The following CARS2 variants were observed in gnomAD, a reference collection of about 807,000 sequenced individuals.
CARS2 encodes cysteinyl-tRNA synthetase 2, mitochondrial.
A neutral mutation model predicts 68.8 loss-of-function variants in CARS2; 52 were observed. The ratio of observed to expected loss-of-function variants is 0.76; its 90% CI spans 0.61 to 0.95. The LOEUF (loss-of-function observed/expected upper bound fraction) is 0.95, where lower values mean the gene tolerates loss of function less well. Ranked by LOEUF, CARS2 falls within the 40% of genes least tolerant of loss-of-function variation. CARS2 has a pLI of 0.00. For missense variants in CARS2, 780 were observed against 754.2 expected, an observed-to-expected ratio of 1.03 and a Z score of -0.40; for synonymous variants, 314 against 303.6, an observed-to-expected ratio of 1.03 and a Z score of -0.36.
rs568213279 is a variant in CARS2 at position 110,668,662 on chromosome 13, G to C, written c.786-1189C>G. 3.4e-4 allele frequency among the ~76,000 whole-genome samples: 52 copies of C among 152,260 alleles called. No homozygotes were observed. Among genetic ancestry groups the C allele is most frequent in the African/African-American group, 1.2e-3 (51 of 41,550 alleles). Reference sequence around the variant, plus strand: ...ACCAGGAGTGGGGAGGGGATGGGAGGGGCCTCATTTGTATTTGGATGGGCA... The same window carrying C: ...ACCAGGAGTGGGGAGGGGATGGGAGCGGCCTCATTTGTATTTGGATGGGCA... On this transcript the variant is annotated intron_variant, in intron 7 of 14. Transcript: ENST00000257347. This position sits in a 1 kb window ranked among gnomAD's most constrained non-coding sequence, Gnocchi z 4.1.
chr13:110,654,921 C>CAA (rs34662096), intron 9 of CARS2, among the ~76,000 whole-genome samples: 7,756 of 83,494 alleles, frequency 0.093, 416 homozygotes, highest in African/African-American at 0.15. Flanking sequence ...AACCCTCTCT[C>CAA]AAAAAAAAAA....
intron 6 of CARS2, among the ~76,000 whole-genome samples, chr13:110,681,320 T>A (rs1235064216): frequency 6.6e-6 from 1 of 152,146 alleles, no homozygotes; most frequent in Non-Finnish European, 1.5e-5. Context: ...GGCATTAAAA[T>A]TTTTTTTCAC....
upstream of CARS2, among the ~76,000 whole-genome samples, chr13:110,710,471 G>GA (rs35468987): frequency 0.6 from 91,140 of 152,096 alleles, 30,208 homozygotes; most frequent in Non-Finnish European, 0.74. Flanking sequence ...TATAATTTTA[G>GA]AAAAAAGTTT....
At chr13:110,688,159 A>C in intron 3 of CARS2, 141 bp from the exon 4 acceptor site, 1 of 534,754 alleles carries the variant, frequency 1.9e-6, no homozygotes, top group Non-Finnish European at 3.4e-6. Flanking sequence ...GTTTGCCCCC[A>C]CCCACTCACC....
chr13:110,673,464 CAT>C (rs1295510599), intron 7 of CARS2, among the ~76,000 whole-genome samples: 6 of 152,216 alleles, frequency 3.9e-5, no homozygotes, highest in East Asian at 1.9e-4. Context: ...ACAAAAACCA[CAT>C]GATTATCTCA....
At chr13:110,707,181 G>A (rs2063980335), upstream of CARS2, among the ~76,000 whole-genome samples, 1 of 145,310 alleles carries the variant, frequency 6.9e-6, no homozygotes, top group African/African-American at 2.6e-5. Context: ...CACCTCAATA[G>A]AGTGTGCGCC....
At chr13:110,644,279 C>T (rs1887794373) in intron 13 of CARS2, 106 bp downstream of exon 13, 4 of 1,342,678 alleles carry the variant, frequency 3.0e-6, no homozygotes, top group Non-Finnish European at 4.2e-6. Context: ...CAGGTAAATA[C>T]ATTAGTGTGG....
chr13:110,642,376 G>GGCTGCCTTTCTAGGAGCT lies in CARS2; in HGVS notation c.1544_1561dup (p.Gln515_Gln520dup), dbSNP rs1887469190. The GGCTGCCTTTCTAGGAGCT allele has an allele frequency of 6.4e-7, 1 of 1,561,170 alleles. No individual in the cohort carries two copies. The highest frequency in any genetic ancestry group is 1.2e-5 in the South Asian group (1 of 85,116). Reference sequence around the variant, plus strand: ...CAGGGTGTCGCATGCTTCCAGCAGGGGCTGCCTTTCTAGGAGCTGCTGCCG... The same window carrying GGCTGCCTTTCTAGGAGCT: ...CAGGGTGTCGCATGCTTCCAGCAGGGGCTGCCTTTCTAGGAGCTGCTGCCTTTCTAGGAGCTGCTGCCG... On this transcript the variant is annotated inframe_insertion, in exon 14 of 15. Transcript: ENST00000257347.
chr13:110,679,082 G>C (rs1304661099), intron 6 of CARS2, among the ~76,000 whole-genome samples: 2 of 59,646 alleles, frequency 3.4e-5, no homozygotes, highest in African/African-American at 1.3e-4. Flanking sequence ...CCGTGGCCCT[G>C]AATTTGAGTA....
At chr13:110,704,354 A>G (rs1252158310) in intron 2 of CARS2, among the ~76,000 whole-genome samples, 2 of 152,228 alleles carry the variant, frequency 1.3e-5, no homozygotes, top group African/African-American at 4.8e-5. Context: ...TTATAATTCA[A>G]GAAAGATGTC....
intron 7 of CARS2, among the ~76,000 whole-genome samples, chr13:110,672,148 C>T (rs964521967): frequency 6.6e-6 from 1 of 152,174 alleles, no homozygotes; most frequent in Non-Finnish European, 1.5e-5. Context: ...CAACATTAGA[C>T]AGATCAATGA....
chr13:110,657,266 C>T (rs2139725332), intron 9 of CARS2, among the ~76,000 whole-genome samples: 1 of 152,348 alleles, frequency 6.6e-6, no homozygotes, highest in East Asian at 1.9e-4. Context: ...AGGTTTATCT[C>T]CCTCTCCCCT....
Position 110,666,681 on chromosome 13 carries a change from T to C in CARS2, c.919+659A>G, listed in dbSNP as rs79266307. On this transcript the variant is annotated intron_variant, in intron 8 of 14. Transcript: ENST00000257347. ...ATTCAAGGACTTCAAAAGATAGTAT[T>C]TGTTAATTTTCTGTATTTTAGATGT... 6.9e-4 allele frequency: 676 copies of C among 985,450 alleles called. 2 individuals carry two copies. The African/African-American group carries it at 0.01, about 15-fold the overall frequency. The allele number at this position is 985,450 out of a possible 1,614,324, so 61.0% of individuals were successfully genotyped here.
rs1020669863 is a variant in CARS2, at chr13:110,645,891, A to G, written c.1317+76T>C. On this transcript the variant is annotated intron_variant, in intron 12 of 14. Transcript: ENST00000257347. ...TCAGCAGAGATGCCACCCAGCCGAC[A>G]TGAGAAAAACCCACCAGAGGACCCG... The G allele has an allele frequency of 6.5e-6, 10 of 1,540,828 alleles. No individual in the cohort carries two copies. In the African/African-American group the frequency reaches 7.0e-5, roughly 11 times the overall value.
rs956653810 is a variant in CARS2, at chr13:110,665,333, C to G, written c.920-1815G>C. The G allele has an allele frequency of 6.1e-6, 4 of 654,886 alleles. No individual in the cohort carries two copies. In the South Asian group the frequency reaches 2.0e-4, roughly 33 times the overall value. 40.6% of individuals were successfully genotyped at this position (654,886 alleles called of 1,614,324 possible). On this transcript the variant is annotated intron_variant, in intron 8 of 14. Transcript: ENST00000257347. This position sits in a 1 kb window ranked among gnomAD's most constrained non-coding sequence, Gnocchi z 4.3. The stretch of plus-strand genomic sequence containing the variant: ...TGGTGGTATGCACCTGTAGTCGCAG[C>G]TACTAGAACAGCTGAGGCAGGAGAA...
chr13:110,713,145 C>T (rs1197367659), exon 1 of CARS2: 4 of 1,430,242 alleles, frequency 2.8e-6, no homozygotes, highest in African/African-American at 2.9e-5. Flanking sequence ...ACGGTCTCCC[C>T]GCCTCCTCTT....
At chr13:110,646,168 A>G in intron 11 of CARS2, 78 bp from the exon 12 acceptor site, 3 of 1,500,532 alleles carry the variant, frequency 2.0e-6, no homozygotes, top group Non-Finnish European at 2.7e-6. Flanking sequence ...GTCCTTCCCC[A>G]GGGAGAGACG....
chr13:110,691,076 C>T (rs913370023), intron 3 of CARS2, among the ~76,000 whole-genome samples: 19 of 152,164 alleles, frequency 1.2e-4, no homozygotes, highest in African/African-American at 4.6e-4. Context: ...AGTGCAATGG[C>T]ACAATCTCAG....
chr13:110,661,003 G>A (rs1314096823), intron 9 of CARS2, among the ~76,000 whole-genome samples: 1 of 152,066 alleles, frequency 6.6e-6, no homozygotes, highest in Non-Finnish European at 1.5e-5. Flanking sequence ...CTCATGATCT[G>A]CCCACCTGGG....
Sources: allele counts gnomAD v4.1 joint callset (sites outside exome capture counted in the v4.1 genomes callset), GRCh38; gene constraint gnomAD v4.1.1; non-coding constraint Gnocchi (gnomAD v3.1); transcripts MANE v1.5; gene names NCBI Gene and HGNC (gene_info 2026-07-23, HGNC 2026-07-21).